CEMIP: variants seen among roughly 807,000 people sequenced by gnomAD.
CEMIP encodes cell migration inducing hyaluronidase 1.
CEMIP carries 105 observed loss-of-function variants against 156.9 expected under a neutral mutation model. That is an observed-to-expected ratio of 0.67 (90% CI 0.57 to 0.79). The LOEUF (loss-of-function observed/expected upper bound fraction) is 0.79. CEMIP is among the 30% of genes least tolerant of loss of function. CEMIP has a pLI of 0.00. For synonymous variants in CEMIP, 676 were observed against 668.4 expected, an observed-to-expected ratio of 1.01 and a Z score of -0.17; for missense variants, 1,457 against 1,769.4, an observed-to-expected ratio of 0.82 and a Z score of 3.17.
chr15:80,853,362 G>A (rs561281962), intron 1 of CEMIP, among the ~76,000 whole-genome samples: 3 of 152,338 alleles, frequency 2.0e-5, no homozygotes, highest in Admixed American at 6.5e-5. Context: ...CTGGAACCAG[G>A]AGAAAAATAA....
Position 80,896,821 on chromosome 15 carries a change from A to T in CEMIP, c.1411+761A>T, listed in dbSNP as rs549754341. Among the ~76,000 whole-genome samples the T allele has an allele frequency of 2.0e-5, 3 of 152,360 alleles. No individual in the cohort carries two copies. In the East Asian group the frequency reaches 5.8e-4, roughly 29 times the overall value. On this transcript the variant is annotated intron_variant, in intron 12 of 29. Transcript: ENST00000394685. Reference sequence around the variant, plus strand: ...ATTGAGAGGCTATTCAACTTGGAGAACTAAAGGATAAGCTGAATAACTAAC... The same window carrying T: ...ATTGAGAGGCTATTCAACTTGGAGATCTAAAGGATAAGCTGAATAACTAAC...
intron 1 of CEMIP, among the ~76,000 whole-genome samples, chr15:80,819,370 A>G (rs1439013122): frequency 6.6e-6 from 1 of 152,112 alleles, no homozygotes; most frequent in Non-Finnish European, 1.5e-5. Flanking sequence ...TGTCTAGTGG[A>G]TGGTCACTCT....
At chr15:80,874,946 T>C (rs1898420013) in intron 3 of CEMIP, among the ~76,000 whole-genome samples, 1 of 151,970 alleles carries the variant, frequency 6.6e-6, no homozygotes, top group Non-Finnish European at 1.5e-5. Flanking sequence ...AAGAGAATAA[T>C]TGATAACTAG....
intron 1 of CEMIP, among the ~76,000 whole-genome samples, chr15:80,840,556 C>T (rs1257600162): frequency 2.0e-5 from 3 of 152,190 alleles, no homozygotes; most frequent in African/African-American, 7.2e-5. Flanking sequence ...ATGGCCTCTC[C>T]GGCTCAGTGG....
intron 8 of CEMIP, among the ~76,000 whole-genome samples, chr15:80,888,409 A>C (rs1268185916): frequency 6.6e-6 from 1 of 152,128 alleles, no homozygotes; most frequent in Non-Finnish European, 1.5e-5. Flanking sequence ...GGCTGCGGGA[A>C]GCGCTGCAGT....
At chr15:80,938,250 A>G (rs1330030989) in intron 25 of CEMIP, 1 of 425,176 alleles carries the variant, frequency 2.4e-6, no homozygotes, top group Admixed American at 3.7e-5. Context: ...AAGGCAGTAA[A>G]TCTTAGAATC....
At chr15:80,842,883 G>A (rs572103291) in intron 1 of CEMIP, among the ~76,000 whole-genome samples, 115 of 152,334 alleles carry the variant, frequency 7.5e-4, no homozygotes, top group African/African-American at 2.7e-3. Flanking sequence ...GAGACCTGTA[G>A]AGGGACCTTC....
In CEMIP at chr15:80,924,630, A is replaced by C. The variant is rs139153097; in HGVS notation, c.2212A>C (p.Ile738Leu). 2.0e-5 allele frequency: 33 copies of C among 1,614,050 alleles called. No homozygotes were observed. The African/African-American group carries it at 4.3e-4, about 21-fold the overall frequency. ...TATCTCTTCCCTGCAGGCTGGCATGATCATAGACAACGGAGTCAAAACCAC... is the reference window on the plus strand; with the variant it reads ...TATCTCTTCCCTGCAGGCTGGCATGCTCATAGACAACGGAGTCAAAACCAC... Reference protein sequence around the residue: ...RAHSNYRAGMIIDNGVKTTEA... With the variant: ...RAHSNYRAGMLIDNGVKTTEA... Residue 738 changes from isoleucine to leucine, a missense_variant, in exon 18 of 30, where the codon ATC becomes CTC. Physicochemically the swap from Ile to Leu is conservative, Grantham distance 5. This residue lies in a region of CEMIP where 798 missense variants were observed against 980.1 expected (regional missense o/e 0.81). Coordinates refer to ENST00000394685, the MANE Select transcript of CEMIP (RefSeq NM_001293298.2).
In CEMIP at chr15:80,889,607, G is replaced by A; in HGVS notation, c.1086+15G>A. On this transcript the variant is annotated intron_variant, in intron 10 of 29. Coordinates refer to ENST00000394685, the MANE Select transcript of CEMIP (RefSeq NM_001293298.2). ...TTGATATACAGGTACCAAACTCACA[G>A]CAAAAATAGAAAATAGAAATGTGTT... 1 of 1,613,818 alleles carries A rather than the reference G, an allele frequency of 6.2e-7. No individual in the cohort carries two copies. The highest frequency in any genetic ancestry group is 1.1e-5 in the South Asian group (1 of 91,058).
chr15:80,821,778 C>A (rs895612227), intron 1 of CEMIP, among the ~76,000 whole-genome samples: 1 of 152,174 alleles, frequency 6.6e-6, no homozygotes, highest in African/African-American at 2.4e-5. Flanking sequence ...CAAATTGGGG[C>A]TGAAAGGAGA....
At chr15:80,903,343 C>T (rs1298072285) in intron 12 of CEMIP, among the ~76,000 whole-genome samples, 1 of 152,094 alleles carries the variant, frequency 6.6e-6, no homozygotes, top group Non-Finnish European at 1.5e-5. Flanking sequence ...GCAGGAACTC[C>T]CAGAAGGAAA....
intron 17 of CEMIP, among the ~76,000 whole-genome samples, chr15:80,923,408 T>C (rs979475673): frequency 4.6e-5 from 7 of 151,976 alleles, no homozygotes; most frequent in African/African-American, 1.7e-4. Context: ...TGGCTGCTTG[T>C]CGAGAAACCC....
chr15:80,851,277 G>A (rs538465984), intron 1 of CEMIP, among the ~76,000 whole-genome samples: 2 of 152,348 alleles, frequency 1.3e-5, no homozygotes, highest in African/African-American at 4.8e-5. Flanking sequence ...GACGTGGCCA[G>A]TGATTGGCTA....
chr15:80,836,647 G>C (rs576942171), intron 1 of CEMIP, among the ~76,000 whole-genome samples: 1 of 148,672 alleles, frequency 6.7e-6, no homozygotes, highest in Non-Finnish European at 1.5e-5. Context: ...TACCTCCTGG[G>C]TTTTCTGCCT....
chr15:80,887,939 C>T (rs1452102597), intron 8 of CEMIP, among the ~76,000 whole-genome samples, 175 bp downstream of exon 8: 1 of 152,258 alleles, frequency 6.6e-6, no homozygotes, highest in African/African-American at 2.4e-5. Context: ...AAGGCCAATG[C>T]TGGCCAAAGG....
chr15:80,839,744 G>A (rs1289330235), intron 1 of CEMIP, among the ~76,000 whole-genome samples: 1 of 152,204 alleles, frequency 6.6e-6, no homozygotes, highest in Admixed American at 6.5e-5. Flanking sequence ...ATGGGGCACA[G>A]GCACAGGGCT....
chr15:80,787,280 G>T (rs933131152), intron 1 of CEMIP, among the ~76,000 whole-genome samples: 5 of 152,236 alleles, frequency 3.3e-5, no homozygotes, highest in African/African-American at 7.2e-5. Flanking sequence ...TGAGAGTAAG[G>T]CTTGTTCAGT....
Position 80,921,937 on chromosome 15 carries a change from G to A in CEMIP, c.2074-72G>A, listed in dbSNP as rs7165406. 3.7e-3 allele frequency: 5,882 copies of A among 1,604,568 alleles called. 189 individuals are homozygous for A. The African/African-American group carries it at 0.069, about 19-fold the overall frequency. Reference sequence around the variant, plus strand: ...ACTAGACCCATCTCCGGCGTGGGCCGCGTGGCCACCTTGCCCAGGAGCTCT... The same window carrying A: ...ACTAGACCCATCTCCGGCGTGGGCCACGTGGCCACCTTGCCCAGGAGCTCT... On this transcript the variant is annotated intron_variant, in intron 16 of 29. Transcript: ENST00000394685.
At chr15:80,828,798 G>T (rs561287304) in intron 1 of CEMIP, among the ~76,000 whole-genome samples, 1 of 152,182 alleles carries the variant, frequency 6.6e-6, no homozygotes, top group African/African-American at 2.4e-5. Flanking sequence ...TTAAAAACCA[G>T]GCTTTGGAAC....
Sources: allele counts gnomAD v4.1 joint callset (sites outside exome capture counted in the v4.1 genomes callset), GRCh38; gene constraint gnomAD v4.1.1; regional missense constraint gnomAD v4.1.1; transcripts MANE v1.5; gene names NCBI Gene and HGNC (gene_info 2026-07-23, HGNC 2026-07-21).